COLEC12: variants seen among roughly 807,000 people sequenced by gnomAD.
COLEC12 encodes the protein collectin-12.
In COLEC12, 33 loss-of-function variants were observed where a neutral mutation model predicts 71.1. The ratio of observed to expected loss-of-function variants is 0.46; its 90% CI spans 0.35 to 0.62. The LOEUF is 0.62. Among genes scored for constraint, COLEC12 ranks in the 20% least tolerant of loss-of-function variants. The pLI is 0.00. For synonymous variants in COLEC12, 350 were observed against 353.0 expected (o/e 0.99, Z 0.10); for missense variants, 765 against 916.1 (o/e 0.84, Z 2.13).
chr18:390,705 A>G (rs535866201), intron 2 of COLEC12, among the ~76,000 whole-genome samples: 11 of 152,234 alleles, frequency 7.2e-5, no homozygotes, highest in African/African-American at 2.4e-4. Context: ...GGTTGCAGTG[A>G]GCCGAGATTG....
intron 2 of COLEC12, among the ~76,000 whole-genome samples, chr18:395,186 C>T (rs1406094050): frequency 2.0e-5 from 3 of 152,220 alleles, no homozygotes; most frequent in African/African-American, 7.2e-5. Context: ...TCAGACCTCA[C>T]GCTCTGCTGA....
chr18:487,311 T>C (rs1030210475), intron 1 of COLEC12, among the ~76,000 whole-genome samples: 2 of 152,252 alleles, frequency 1.3e-5, no homozygotes, highest in African/African-American at 4.8e-5. Context: ...TGCCTAGGGC[T>C]GGTGGTTTTG....
rs58371092 is a variant in COLEC12 at position 408,373 on chromosome 18, T to G, written c.59-50851A>C. 0.098 allele frequency among the ~76,000 whole-genome samples: 14,940 copies of G among 152,216 alleles called. 781 individuals carry two copies. Among genetic ancestry groups the G allele is most frequent in the Admixed American group, 0.14 (2,155 of 15,290 alleles). ...TTAAATTTAAGAATCAGAAACATTC[T>G]CATCATAAATGTAATCCCATCTGTG... is the stretch of plus-strand genomic sequence containing the variant. On this transcript the variant is annotated intron_variant, in intron 2 of 9. Coordinates refer to ENST00000400256, the MANE Select transcript of COLEC12 (RefSeq NM_130386.3). This position sits in a 1 kb window ranked among gnomAD's most constrained non-coding sequence, Gnocchi z 4.3.
chr18:442,607 C>T (rs1412423385), intron 2 of COLEC12, among the ~76,000 whole-genome samples: 3 of 152,238 alleles, frequency 2.0e-5, no homozygotes, highest in African/African-American at 7.2e-5. Flanking sequence ...CCCCTTCTTT[C>T]TCCAAACTCC....
intron 1 of COLEC12, among the ~76,000 whole-genome samples, chr18:485,815 C>T (rs1917508593): frequency 6.6e-6 from 1 of 152,244 alleles, no homozygotes; most frequent in African/African-American, 2.4e-5. Context: ...TCAGAATTTA[C>T]CTCTCATTCT....
At chr18:454,795 G>C (rs1029953226) in intron 2 of COLEC12, among the ~76,000 whole-genome samples, 2 of 152,198 alleles carry the variant, frequency 1.3e-5, no homozygotes, top group African/African-American at 4.8e-5. Flanking sequence ...TTTGTTACCT[G>C]TCTTCTCATC....
At chr18:478,295 T>G (rs1353555287) in intron 2 of COLEC12, among the ~76,000 whole-genome samples, 1 of 152,216 alleles carries the variant, frequency 6.6e-6, no homozygotes, top group African/African-American at 2.4e-5. Context: ...CTCAGCTCCC[T>G]TATAGGTGAA....
At chr18:447,278 G>A (rs1465984615) in intron 2 of COLEC12, among the ~76,000 whole-genome samples, 2 of 152,248 alleles carry the variant, frequency 1.3e-5, no homozygotes. Flanking sequence ...AAGAGATACT[G>A]TGTCAGTGGC....
intron 3 of COLEC12, among the ~76,000 whole-genome samples, chr18:351,503 T>C (rs940772004): frequency 1.3e-5 from 2 of 152,200 alleles, no homozygotes; most frequent in Non-Finnish European, 2.9e-5. Flanking sequence ...TTCCATCTCT[T>C]CCTCTTAGCT....
chr18:341,485 G>C (rs1312681769), intron 5 of COLEC12, among the ~76,000 whole-genome samples: 1 of 152,142 alleles, frequency 6.6e-6, no homozygotes, highest in African/African-American at 2.4e-5. Flanking sequence ...AGCATCCTGG[G>C]GTCTGATTCA....
chr18:332,206 T>C (rs1329081901), intron 7 of COLEC12, among the ~76,000 whole-genome samples: 1 of 152,204 alleles, frequency 6.6e-6, no homozygotes, highest in African/African-American at 2.4e-5. Flanking sequence ...TGAACAAACA[T>C]GAGAAGTAGC....
chr18:498,092 C>T (rs183004731), intron 1 of COLEC12, among the ~76,000 whole-genome samples: 82 of 152,256 alleles, frequency 5.4e-4, no homozygotes, highest in Non-Finnish European at 2.6e-4. Context: ...TCTTTAGATG[C>T]CTACTCTATC....
intron 2 of COLEC12, among the ~76,000 whole-genome samples, chr18:374,303 T>C (rs755815450): frequency 2.0e-5 from 3 of 152,216 alleles, no homozygotes; most frequent in Admixed American, 1.3e-4. Context: ...GGACTTTTAA[T>C]ATTAGGGAAT....
At chr18:339,121 G>C (rs898221475) in intron 5 of COLEC12, among the ~76,000 whole-genome samples, 6 of 152,000 alleles carry the variant, frequency 3.9e-5, no homozygotes, top group African/African-American at 7.3e-5. Context: ...GCTTGTGTCT[G>C]CTCAGACAGA....
chr18:321,629 G>T (rs1389408728), intron 9 of COLEC12, 33 bp downstream of exon 9: 4 of 1,613,186 alleles, frequency 2.5e-6, no homozygotes, highest in Middle Eastern at 1.6e-4. Context: ...ACATAAGCTG[G>T]CAGCTCCCTC....
intron 2 of COLEC12, among the ~76,000 whole-genome samples, chr18:370,118 A>G (rs1914968480): frequency 6.6e-6 from 1 of 152,174 alleles, no homozygotes; most frequent in Non-Finnish European, 1.5e-5. Context: ...CAAAATAGGA[A>G]AAAATCAGAT....
chr18:415,259 C>A (rs1940437), intron 2 of COLEC12, among the ~76,000 whole-genome samples: 114,735 of 152,126 alleles, frequency 0.75, 45,655 homozygotes, highest in Non-Finnish European at 0.86. Flanking sequence ...ACTAAAGTGA[C>A]CAGACAACTC....
At chr18:345,374 C>A (rs62089638) in intron 5 of COLEC12, among the ~76,000 whole-genome samples, 16,573 of 152,136 alleles carry the variant, frequency 0.11, 1,068 homozygotes, top group South Asian at 0.16. Context: ...CGTATGTATT[C>A]ATTCATTTAT....
intron 3 of COLEC12, among the ~76,000 whole-genome samples, chr18:349,673 T>C (rs1012650867): frequency 1.1e-4 from 16 of 152,230 alleles, no homozygotes; most frequent in Admixed American, 3.3e-4. Context: ...GGAGAGAGGC[T>C]GTACCCTGCA....
Sources: allele counts gnomAD v4.1 joint callset (sites outside exome capture counted in the v4.1 genomes callset), GRCh38; gene constraint gnomAD v4.1.1; non-coding constraint Gnocchi (gnomAD v3.1); transcripts MANE v1.5; gene names NCBI Gene and HGNC (gene_info 2026-07-23, HGNC 2026-07-21).